PTPRD: variants seen among roughly 807,000 people sequenced by gnomAD.
PTPRD encodes receptor-type tyrosine-protein phosphatase delta.
In PTPRD, 34 loss-of-function variants were observed where a neutral mutation model predicts 214.5. That is an observed-to-expected ratio of 0.16 (90% CI 0.12 to 0.21). PTPRD has a LOEUF of 0.21. Ranked by LOEUF, PTPRD falls within the 10% of genes least tolerant of loss-of-function variation. The pLI is 1.00. For synonymous variants in PTPRD, 1,128 were observed against 845.7 expected, an observed-to-expected ratio of 1.33 and a Z score of -5.79; for missense variants, 2,545 against 2,398.7, an observed-to-expected ratio of 1.06 and a Z score of -1.27.
intron 34 of PTPRD, among the ~76,000 whole-genome samples, chr9:8,449,354 T>A (rs946246656): frequency 6.6e-6 from 1 of 152,010 alleles, no homozygotes; most frequent in South Asian, 2.1e-4. Flanking sequence ...GAAAGATGTG[T>A]ACAGTCATCC....
chr9:8,804,407 G>A (rs769101419), intron 11 of PTPRD, among the ~76,000 whole-genome samples: 5 of 151,988 alleles, frequency 3.3e-5, no homozygotes, highest in African/African-American at 1.2e-4. Context: ...AGACCAGCCT[G>A]GGCAACATAA....
intron 10 of PTPRD, among the ~76,000 whole-genome samples, chr9:9,044,077 T>C (rs2099659702): frequency 6.6e-6 from 1 of 152,194 alleles, no homozygotes; most frequent in East Asian, 1.9e-4. Flanking sequence ...ATTAGTGTTA[T>C]AACTGTGTAC....
intron 9 of PTPRD, among the ~76,000 whole-genome samples, chr9:9,243,513 C>T (rs530107302): frequency 6.6e-6 from 1 of 152,158 alleles, no homozygotes; most frequent in South Asian, 2.1e-4. Flanking sequence ...CGTAATCCAG[C>T]ATATAAACAG....
At chr9:9,768,749 T>C (rs1310454105) in intron 5 of PTPRD, among the ~76,000 whole-genome samples, 1 of 152,136 alleles carries the variant, frequency 6.6e-6, no homozygotes, top group African/African-American at 2.4e-5. Context: ...CTAATAGCCA[T>C]GAAAACAAAA....
intron 8 of PTPRD, among the ~76,000 whole-genome samples, chr9:9,556,969 G>T (rs976409229): frequency 2.0e-5 from 3 of 152,156 alleles, no homozygotes; most frequent in Non-Finnish European, 4.4e-5. Context: ...GGTTCTGTTT[G>T]TTACTCTATC....
At chr9:8,640,069 C>T (rs956062920) in intron 12 of PTPRD, among the ~76,000 whole-genome samples, 6 of 152,066 alleles carry the variant, frequency 3.9e-5, no homozygotes, top group African/African-American at 1.2e-4. Flanking sequence ...TGGCTGGGAG[C>T]ACAACCACAC....
At chr9:10,269,301 G>C (rs1305083378) in intron 3 of PTPRD, among the ~76,000 whole-genome samples, 1 of 152,230 alleles carries the variant, frequency 6.6e-6, no homozygotes, top group Admixed American at 6.5e-5. Context: ...GCTTGTGTAT[G>C]TGTATATGCT....
At chr9:10,318,020 ATGTC>A in intron 3 of PTPRD, among the ~76,000 whole-genome samples, 1 of 152,054 alleles carries the variant, frequency 6.6e-6, no homozygotes, top group South Asian at 2.1e-4. Flanking sequence ...CATTTTACAT[ATGTC>A]TGTCTACTAC....
At chr9:9,839,484 C>A (rs1312127099) in intron 5 of PTPRD, among the ~76,000 whole-genome samples, 1 of 152,008 alleles carries the variant, frequency 6.6e-6, no homozygotes, top group Non-Finnish European at 1.5e-5. Context: ...ACCTAGGAAT[C>A]CAACTTACAA....
At chr9:9,870,915 A>G (rs1294336216) in intron 5 of PTPRD, among the ~76,000 whole-genome samples, 4 of 152,144 alleles carry the variant, frequency 2.6e-5, no homozygotes, top group Admixed American at 1.3e-4. Context: ...AACTTTCTGT[A>G]CATGTGAAGT....
intron 11 of PTPRD, among the ~76,000 whole-genome samples, chr9:8,754,832 C>T (rs1022706070): frequency 1.3e-5 from 2 of 152,136 alleles, no homozygotes; most frequent in Non-Finnish European, 2.9e-5. Context: ...TCCACAACAG[C>T]CCTGAAGCTA....
intron 5 of PTPRD, among the ~76,000 whole-genome samples, chr9:9,837,076 T>C (rs1752399476): frequency 6.6e-6 from 1 of 152,122 alleles, no homozygotes; most frequent in African/African-American, 2.4e-5. Flanking sequence ...CATACATTCT[T>C]TTCCCTATGT....
intron 11 of PTPRD, among the ~76,000 whole-genome samples, chr9:8,782,825 A>C (rs1269791241): frequency 6.6e-6 from 1 of 151,996 alleles, no homozygotes; most frequent in East Asian, 1.9e-4. Flanking sequence ...CGAACTCCTG[A>C]CCTCGTGATC....
chr9:8,444,591 G>A (rs1431309119), intron 34 of PTPRD, among the ~76,000 whole-genome samples: 3 of 152,112 alleles, frequency 2.0e-5, no homozygotes, highest in African/African-American at 7.2e-5. Context: ...CTCTAAAAGT[G>A]CTTTTGTTGG....
intron 7 of PTPRD, among the ~76,000 whole-genome samples, chr9:9,648,520 G>C (rs1554772622): frequency 6.6e-6 from 1 of 152,204 alleles, no homozygotes; most frequent in Non-Finnish European, 1.5e-5. Flanking sequence ...CTCAGACATT[G>C]ATGCTGGAGA....
Position 8,356,722 on chromosome 9 carries a change from C to T in PTPRD, c.4662-14744G>A, listed in dbSNP as rs184701385. 2.0e-5 allele frequency among the ~76,000 whole-genome samples: 3 copies of T among 152,170 alleles called. 1 individual carries two copies. The South Asian group carries it at 6.2e-4, about 32-fold the overall frequency. ...AGAACTTAATTGCTCTTCTACCAGACTCAGCTGCAGGCAGGCTGATTTCCT... is the reference window on the plus strand; with the variant it reads ...AGAACTTAATTGCTCTTCTACCAGATTCAGCTGCAGGCAGGCTGATTTCCT... On this transcript the variant is annotated intron_variant, in intron 39 of 45. Transcript: ENST00000381196.
At chr9:8,866,427 C>A (rs561177661) in intron 11 of PTPRD, among the ~76,000 whole-genome samples, 40 of 152,176 alleles carry the variant, frequency 2.6e-4, no homozygotes, top group African/African-American at 8.9e-4. Context: ...CTTCTGCTCC[C>A]ATTGTTTTCC....
At chr9:9,668,952 T>G (rs1401285668) in intron 7 of PTPRD, among the ~76,000 whole-genome samples, 1 of 152,110 alleles carries the variant, frequency 6.6e-6, no homozygotes, top group Non-Finnish European at 1.5e-5. Context: ...TTAACTCAGC[T>G]CTTGATTAGC....
intron 34 of PTPRD, among the ~76,000 whole-genome samples, chr9:8,443,987 G>A (rs796446419): frequency 2.6e-5 from 4 of 152,280 alleles, no homozygotes; most frequent in African/African-American, 9.6e-5. Flanking sequence ...CCATGGGCCA[G>A]AGGGTGTCAA....
Sources: gnomAD v4.1 joint callset for allele counts (sites outside exome capture counted in the v4.1 genomes callset) on GRCh38, gnomAD v4.1.1 for gene constraint, MANE v1.5 for transcripts, NCBI Gene and HGNC (gene_info 2026-07-23, HGNC 2026-07-21) for gene names.